Variants in RAD51AP1 observed in about 807,000 individuals in gnomAD.
RAD51AP1 encodes the protein RAD51-associated protein 1.
Under a neutral mutation model 34.3 loss-of-function variants are expected in RAD51AP1, and 14 were observed. The ratio of observed to expected loss-of-function variants is 0.41; its 90% CI spans 0.27 to 0.64. The LOEUF is 0.64. RAD51AP1 is among the 30% of genes least tolerant of loss of function. RAD51AP1 has a pLI of 0.33. For synonymous variants in RAD51AP1, 114 were observed against 129.8 expected (o/e 0.88, Z 0.83); for missense variants, 348 against 386.9 (o/e 0.90, Z 0.84).
At chr12:4,554,793 A>T (rs1255167108) in intron 7 of RAD51AP1, among the ~76,000 whole-genome samples, 1 of 151,980 alleles carries the variant, frequency 6.6e-6, no homozygotes, top group South Asian at 2.1e-4. Flanking sequence ...TGTCTAGCAC[A>T]TGTTATAATT....
chr12:4,539,343 GAGTCATACAGCCC>G (rs1454135944), intron 1 of RAD51AP1, among the ~76,000 whole-genome samples: 1 of 152,162 alleles, frequency 6.6e-6, no homozygotes, highest in Non-Finnish European at 1.5e-5. Context: ...TAAGTTATCT[GAGTCATACAGCCC>G]AGTAAGTGGC....
chr12:4,556,624 A>G (rs1044724332), intron 8 of RAD51AP1, 122 bp downstream of exon 8: 6 of 1,135,734 alleles, frequency 5.3e-6, no homozygotes, highest in Non-Finnish European at 6.2e-6. Context: ...TCAAAACCAA[A>G]GTTCCTGGTT....
intron 6 of RAD51AP1, among the ~76,000 whole-genome samples, chr12:4,551,923 A>G (rs1000660935): frequency 6.6e-6 from 1 of 152,184 alleles, no homozygotes. Context: ...CTACTGTGGT[A>G]TAGGTTTGAA....
rs775261076 is a variant in RAD51AP1 at position 4,543,860 on chromosome 12, C to A, written c.165C>A (p.Leu55=). 17 of 1,612,438 alleles carry A rather than the reference C, an allele frequency of 1.1e-5. No homozygotes were observed. Among genetic ancestry groups the A allele is most frequent in the Admixed American group, 3.3e-5 (2 of 59,916 alleles). ...QDKPKPNLNN[L]RKEEIPVQEK... is the part of the protein sequence containing the mutation. ...AACCAAAACCTAACTTGAACAATCT[C>A]CGGAAAGAAGAAATCCCAGTACAAG... The change falls in exon 3 of 9, where the codon CTC becomes CTA. Residue 55 remains leucine (L), a synonymous_variant. Coordinates refer to ENST00000352618, the MANE Select transcript of RAD51AP1 (RefSeq NM_006479.5).
intron 7 of RAD51AP1, among the ~76,000 whole-genome samples, chr12:4,553,638 CTT>C (rs71984552): frequency 5.8e-4 from 84 of 143,700 alleles, no homozygotes; most frequent in Middle Eastern, 3.6e-3. Flanking sequence ...GTTTAGGGCC[CTT>C]TTTTTTTTTT....
At chr12:4,557,084 T>C (rs1247669475) in intron 8 of RAD51AP1, among the ~76,000 whole-genome samples, 1 of 152,206 alleles carries the variant, frequency 6.6e-6, no homozygotes, top group Non-Finnish European at 1.5e-5. Context: ...CAGGCCCAAA[T>C]TGTTGCTGCC....
intron 8 of RAD51AP1, 127 bp from the exon 9 acceptor site, chr12:4,558,730 A>T: frequency 9.1e-7 from 1 of 1,102,134 alleles, no homozygotes; most frequent in African/African-American, 1.6e-5. Context: ...GATCTAGTTT[A>T]TTGCTTGATA....
chr12:4,546,252 T>C (rs1286898572), intron 3 of RAD51AP1, 57 bp from the exon 4 acceptor site: 4 of 1,279,422 alleles, frequency 3.1e-6, no homozygotes, highest in African/African-American at 3.0e-5. Context: ...CAAACTTTGC[T>C]CTTTAGTTGA....
chr12:4,542,020 T>C, intron 2 of RAD51AP1, 87 bp downstream of exon 2: 1 of 807,718 alleles, frequency 1.2e-6, no homozygotes, highest in South Asian at 2.8e-5. Context: ...AAACACTGAC[T>C]AAATTGCCCA....
Position 4,557,689 on chromosome 12 carries a change from T to G in RAD51AP1, c.872-1168T>G, listed in dbSNP as rs12318765. Among the ~76,000 whole-genome samples the G allele has an allele frequency of 6.6e-3, 1,005 of 152,232 alleles. 14 individuals are homozygous for G. The highest frequency in any genetic ancestry group is 0.022 in the African/African-American group (928 of 41,544). On this transcript the variant is annotated intron_variant, in intron 8 of 8. Coordinates refer to ENST00000352618, the MANE Select transcript of RAD51AP1 (RefSeq NM_006479.5). The stretch of plus-strand genomic sequence containing the variant: ...TACAAGGAAACAGTGGAATGATGGA[T>G]AAAGAGTTAATGTCATCAAGCACAA...
chr12:4,547,687 G>A (rs1944516292), intron 4 of RAD51AP1, among the ~76,000 whole-genome samples: 1 of 152,118 alleles, frequency 6.6e-6, no homozygotes, highest in South Asian at 2.1e-4. Context: ...GTAAAAGCAT[G>A]GATTTGCCTA....
chr12:4,539,146 T>A (rs1274115493), intron 1 of RAD51AP1, among the ~76,000 whole-genome samples, 190 bp downstream of exon 1: 1 of 152,162 alleles, frequency 6.6e-6, no homozygotes, highest in East Asian at 1.9e-4. Flanking sequence ...GCTTTTTCCT[T>A]CTCTTTGCCT....
At position 4,560,008 on chromosome 12, in the gene RAD51AP1, T is replaced by G. The variant is rs898018380; in HGVS notation, c.*1015T>G. 11 of 152,204 alleles carry G rather than the reference T, an allele frequency of 7.2e-5. No individual in the cohort carries two copies. Among genetic ancestry groups the G allele is most frequent in the African/African-American group, 2.7e-4 (11 of 41,450 alleles). The allele number at this position is 152,204 out of a possible 1,614,324, so 9.4% of individuals were successfully genotyped here. Reference sequence around the variant, plus strand: ...GGAAATATCTATATTAATGTGAAAATAATTAATTTAGAATTGTGATTAAAG... The same window carrying G: ...GGAAATATCTATATTAATGTGAAAAGAATTAATTTAGAATTGTGATTAAAG... On this transcript the variant is annotated 3_prime_UTR_variant, in exon 9 of 9. Coordinates refer to ENST00000352618, the MANE Select transcript of RAD51AP1 (RefSeq NM_006479.5).
rs1591772406 is a variant in RAD51AP1 at position 4,548,149 on chromosome 12, C to CT, written c.378dup (p.Asn127Ter). On this transcript the variant is annotated frameshift_variant, in exon 5 of 9. Transcript: ENST00000352618. LOFTEE classifies it high-confidence loss of function. ...ACAATGAATAAGTCTCCTCATATCT[C>CT]TAATTGCAGTGTAGCCAGTGATTAT... 2 of 1,602,844 alleles carry CT rather than the reference C, an allele frequency of 1.2e-6. No homozygotes were observed. The highest frequency in any genetic ancestry group is 2.7e-5 in the African/African-American group (2 of 74,214).
intron 1 of RAD51AP1, 35 bp from the exon 2 acceptor site, chr12:4,541,849 T>G: frequency 8.0e-7 from 1 of 1,245,894 alleles, no homozygotes; most frequent in South Asian, 2.2e-5. Flanking sequence ...GAAATTGACA[T>G]TTGTGTTAAT....
chr12:4,553,867 A>G (rs190280535), intron 7 of RAD51AP1, among the ~76,000 whole-genome samples: 1 of 152,156 alleles, frequency 6.6e-6, no homozygotes, highest in African/African-American at 2.4e-5. Flanking sequence ...TATTTAATAT[A>G]TATGCTATTG....
chr12:4,553,124 C>A lies in RAD51AP1; in HGVS notation c.698C>A (p.Ser233Tyr). ...CCAGTAGAAAAGAAAGAGAAGAAAT[C>A]TAAATCCAAATGTAATGCTTTGGGT... ...KSPVEKKEKK[S>Y]KSKCNALVTS... Residue 233 changes from serine to tyrosine, a missense_variant, in exon 7 of 9, where the codon TCT becomes TAT. Coordinates refer to ENST00000352618, the MANE Select transcript of RAD51AP1 (RefSeq NM_006479.5). 6.3e-7 allele frequency: 1 copy of A among 1,584,348 alleles called. No homozygotes were observed. Among genetic ancestry groups the A allele is most frequent in the Non-Finnish European group, 8.6e-7 (1 of 1,167,764 alleles).
intron 3 of RAD51AP1, chr12:4,545,704 A>G (rs950406579): frequency 1.3e-6 from 2 of 1,511,862 alleles, no homozygotes; most frequent in East Asian, 4.5e-5. Flanking sequence ...GAGCAGCTTG[A>G]ATAGGACTTT....
At chr12:4,548,542 T>C (rs915561135) in intron 5 of RAD51AP1, 145 bp from the exon 6 acceptor site, 30 of 943,188 alleles carry the variant, frequency 3.2e-5, no homozygotes, top group African/African-American at 8.4e-5. Context: ...TTGACCCAGA[T>C]TGGGCTAATA....
Sources: allele counts gnomAD v4.1 joint callset (sites outside exome capture counted in the v4.1 genomes callset), GRCh38; gene constraint gnomAD v4.1.1; transcripts MANE v1.5; gene names NCBI Gene and HGNC (gene_info 2026-07-23, HGNC 2026-07-21).